GNPDA1: variants seen among roughly 807,000 people sequenced by gnomAD.
GNPDA1 encodes glucosamine-6-phosphate deaminase 1, also known as GNPDA 1.
Under a neutral mutation model 28.5 loss-of-function variants are expected in GNPDA1, and 24 were observed. The observed-to-expected ratio is 0.84, with a 90% CI of 0.61 to 1.19. The LOEUF is 1.19. GNPDA1 is among the 50% of genes most tolerant of loss of function. The probability of loss-of-function intolerance (pLI) is 0.00; values close to 1 mark genes in which losing one functional copy is unlikely to be tolerated. For synonymous variants in GNPDA1, 147 were observed against 139.3 expected, an observed-to-expected ratio of 1.06 and a Z score of -0.39; for missense variants, 264 against 367.3, an observed-to-expected ratio of 0.72 and a Z score of 2.30.
At position 142,004,918 on chromosome 5, in the gene GNPDA1, C is replaced by G. The variant is rs1416948565; in HGVS notation, c.594+14G>C. On this transcript the variant is annotated intron_variant, in intron 5 of 6. Transcript: ENST00000311337. Reference sequence around the variant, plus strand: ...GTCCACCAGCGCAAGCTGGTGGGGCCCTTATGCCCTTACCTCTCTAGCATC... The same window carrying G: ...GTCCACCAGCGCAAGCTGGTGGGGCGCTTATGCCCTTACCTCTCTAGCATC... 6.4e-7 allele frequency: 1 copy of G among 1,565,504 alleles called. No individual in the cohort carries two copies. Among genetic ancestry groups the G allele is most frequent in the South Asian group, 1.1e-5 (1 of 88,344 alleles).
At chr5:142,010,516 T>TTCTC (rs1561573682) in intron 2 of GNPDA1, among the ~76,000 whole-genome samples, 1 of 150,452 alleles carries the variant, frequency 6.6e-6, no homozygotes, top group Non-Finnish European at 1.5e-5. Context: ...TCTTTCTTTT[T>TTCTC]TTTTTTTTTT....
At chr5:142,010,507 C>A (rs7733407) in intron 2 of GNPDA1, among the ~76,000 whole-genome samples, 5,334 of 43,532 alleles carry the variant, frequency 0.12, 334 homozygotes, top group African/African-American at 0.32. Flanking sequence ...GTTTTCTTTT[C>A]TTTCTTTTTT....
At position 142,005,130 on chromosome 5, in the gene GNPDA1, G is replaced by A. The variant is rs775057845; in HGVS notation, c.410-14C>T. ...CAGGGCCGATGCCTATAGGGAGAGA[G>A]CCCGTGCAGCCCTGTCAGTCCCAGG... On this transcript the variant is annotated splice_polypyrimidine_tract_variant and intron_variant, in intron 4 of 6. Coordinates refer to ENST00000311337, the MANE Select transcript of GNPDA1 (RefSeq NM_005471.5). The A allele has an allele frequency of 3.2e-6, 5 of 1,566,210 alleles. No homozygotes were observed. The highest frequency in any genetic ancestry group is 4.4e-6 in the Non-Finnish European group (5 of 1,142,378).
chr5:142,005,923 C>A, intron 4 of GNPDA1: 1 of 461,620 alleles, frequency 2.2e-6, no homozygotes, highest in South Asian at 2.9e-5. Flanking sequence ...AGTCCAAACC[C>A]AAACCTCTCA....
At chr5:142,002,215 A>AT in intron 6 of GNPDA1, 86 bp from the exon 7 acceptor site, 1 of 700,734 alleles carries the variant, frequency 1.4e-6, no homozygotes, top group South Asian at 1.8e-5. Context: ...AGGAGCTCTC[A>AT]AATTTTGTCT....
At chr5:142,005,645 T>C (rs1460505697) in intron 4 of GNPDA1, among the ~76,000 whole-genome samples, 1 of 152,148 alleles carries the variant, frequency 6.6e-6, no homozygotes, top group Non-Finnish European at 1.5e-5. Context: ...CAGTTCAATG[T>C]TACCCCTCAT....
At chr5:142,008,658 C>A (rs1283293793) in intron 2 of GNPDA1, among the ~76,000 whole-genome samples, 1 of 151,558 alleles carries the variant, frequency 6.6e-6, no homozygotes, top group Non-Finnish European at 1.5e-5. Flanking sequence ...ACCTGGGAGG[C>A]AGAGGTTGCA....
At position 142,012,060 on chromosome 5, in the gene GNPDA1, G is replaced by A. The variant is rs1372343710; in HGVS notation, c.-6-19C>T. On this transcript the variant is annotated intron_variant, in intron 1 of 6. Coordinates refer to ENST00000311337, the MANE Select transcript of GNPDA1 (RefSeq NM_005471.5). The stretch of plus-strand genomic sequence containing the variant: ...TCTTGTCCTGCAGTGGGGGAGAGGG[G>A]ATGACAGAAAGGAATCAATGGTAAG... 1.3e-6 allele frequency: 2 copies of A among 1,575,902 alleles called. No homozygotes were observed. The highest frequency in any genetic ancestry group is 1.7e-6 in the Non-Finnish European group (2 of 1,149,994).
In GNPDA1 at chr5:142,002,098, G is replaced by A. The variant is rs1755690576; in HGVS notation, c.801C>T (p.Asp267=). The A allele has an allele frequency of 6.3e-7, 1 of 1,599,286 alleles. No individual in the cohort carries two copies. Among genetic ancestry groups the A allele is most frequent in the East Asian group, 2.2e-5 (1 of 44,776 alleles). Residue 267 remains aspartate (D), a synonymous_variant, in exon 7 of 7, where the codon GAC becomes GAT. Transcript: ENST00000311337. The part of the protein sequence containing the change: ...GLMLVHNKLV[D]PLYSIKEKET... The stretch of plus-strand genomic sequence containing the variant: ...CTTTCTCTTTGATACTGTACAAGGG[G>A]TCCACCAACTTGTTATGAACAAGCA...
chr5:142,005,260 A>G (rs542904763), intron 4 of GNPDA1, 144 bp from the exon 5 acceptor site: 8 of 600,380 alleles, frequency 1.3e-5, no homozygotes, highest in South Asian at 1.3e-4. Context: ...CTGGGCAGGT[A>G]CACCTTAAAC....
intron 2 of GNPDA1, among the ~76,000 whole-genome samples, chr5:142,010,446 A>ACCACACCCGGC (rs1755916464): frequency 6.6e-6 from 1 of 151,928 alleles, no homozygotes; most frequent in Admixed American, 6.5e-5. Flanking sequence ...GGCGTGAGCC[A>ACCACACCCGGC]CCACACCCGG....
At chr5:142,005,883 C>T (rs553915914) in intron 4 of GNPDA1, among the ~76,000 whole-genome samples, 2 of 152,276 alleles carry the variant, frequency 1.3e-5, no homozygotes, top group African/African-American at 4.8e-5. Context: ...TCCATAAAAC[C>T]TTAAGACTGG....
At chr5:142,007,344 A>G (rs1230404195) in intron 3 of GNPDA1, among the ~76,000 whole-genome samples, 1 of 152,190 alleles carries the variant, frequency 6.6e-6, no homozygotes, top group African/African-American at 2.4e-5. Context: ...TTTCAGCAGC[A>G]GGAAGGATAC....
rs74532327 is a variant in GNPDA1 at position 142,011,034 on chromosome 5, A to G, written c.124+878T>C. On this transcript the variant is annotated intron_variant, in intron 2 of 6. Transcript: ENST00000311337. ...ACAATCATGGCTCACTGCAGCCTCA[A>G]TCTACTGGCTCAAGCAATCCACCTA... Among the ~76,000 whole-genome samples the G allele has an allele frequency of 7.0e-3, 1,057 of 151,756 alleles. 8 individuals carry two copies. The highest frequency in any genetic ancestry group is 0.025 in the African/African-American group (1,018 of 41,308).
At chr5:142,007,246 A>G (rs1333722552) in intron 3 of GNPDA1, among the ~76,000 whole-genome samples, 1 of 150,950 alleles carries the variant, frequency 6.6e-6, no homozygotes, top group Non-Finnish European at 1.5e-5. Context: ...TTTTACCACA[A>G]TTTTTTTTTT....
intron 2 of GNPDA1, among the ~76,000 whole-genome samples, chr5:142,008,154 C>A (rs1374739019): frequency 6.6e-6 from 1 of 152,246 alleles, no homozygotes; most frequent in Non-Finnish European, 1.5e-5. Flanking sequence ...ATCCAGCACA[C>A]TGATGACTGA....
chr5:142,011,968 C>G lies in GNPDA1; in HGVS notation c.68G>C (p.Arg23Pro). Reference sequence around the variant, plus strand: ...TGGCCCTGGGTTAAACTGGATGATGCGGTTCCTGATGTATTTAGCCGCCCA... The same window carrying G: ...TGGCCCTGGGTTAAACTGGATGATGGGGTTCCTGATGTATTTAGCCGCCCA... ...SEWAAKYIRN[R>P]IIQFNPGPEK... is the part of the protein sequence containing the mutation. Residue 23 changes from arginine (R) to proline (P), a missense_variant, in exon 2 of 7, where the codon CGC becomes CCC. Physicochemically the swap from Arg to Pro is moderately radical, Grantham distance 103. Transcript: ENST00000311337. 1.2e-6 allele frequency: 2 copies of G among 1,613,564 alleles called. No homozygotes were observed. Among genetic ancestry groups the G allele is most frequent in the Non-Finnish European group, 1.7e-6 (2 of 1,179,552 alleles).
In GNPDA1 at chr5:142,001,810, C is replaced by G; in HGVS notation, c.*219G>C. On this transcript the variant is annotated 3_prime_UTR_variant, in exon 7 of 7. Transcript: ENST00000311337. ...TGGCAGACATCAAAATGATGGAGTACATTTTGCAGATATTTTTTTTCTGAT... is the reference window on the plus strand; with the variant it reads ...TGGCAGACATCAAAATGATGGAGTAGATTTTGCAGATATTTTTTTTCTGAT... 1 of 381,880 alleles carries G rather than the reference C, an allele frequency of 2.6e-6. No individual in the cohort carries two copies. The highest frequency in any genetic ancestry group is 4.7e-6 in the Non-Finnish European group (1 of 214,902). 23.7% of individuals were successfully genotyped at this position (381,880 alleles called of 1,614,324 possible). A position where few individuals can be genotyped will look rare whatever the true frequency, so the allele number is the denominator to read the frequency against.
At chr5:142,006,098 C>T (rs2232197) in intron 4 of GNPDA1, 46 bp downstream of exon 4, 66 of 1,516,608 alleles carry the variant, frequency 4.4e-5, no homozygotes, top group Non-Finnish European at 5.6e-5. Context: ...TCCTCCTTCC[C>T]ACGGGTCTGG....
Sources: allele counts gnomAD v4.1 joint callset (sites outside exome capture counted in the v4.1 genomes callset), GRCh38; gene constraint gnomAD v4.1.1; transcripts MANE v1.5; gene names NCBI Gene and HGNC (gene_info 2026-07-23, HGNC 2026-07-21).